Variants in ATP2C2 observed in about 807,000 individuals in gnomAD.
ATP2C2 encodes calcium-transporting ATPase type 2C member 2.
Under a neutral mutation model 110.8 loss-of-function variants are expected in ATP2C2, and 171 were observed. The observed-to-expected ratio is 1.54, with a 90% CI of 1.36 to 1.75. ATP2C2 has a LOEUF of 1.75. Ranked by LOEUF, ATP2C2 falls within the 40% of genes most tolerant of loss-of-function variation. ATP2C2 has a pLI of 0.00. For missense variants in ATP2C2, 1,963 were observed against 1,235.0 expected (o/e 1.59, Z -8.84); for synonymous variants, 804 against 508.4 (o/e 1.58, Z -7.82).
At position 84,368,621 on chromosome 16, in the gene ATP2C2, C is replaced by T; in HGVS notation, c.6C>T (p.Val2=). 1 of 1,557,948 alleles carries T rather than the reference C, an allele frequency of 6.4e-7. No individual in the cohort carries two copies. The highest frequency in any genetic ancestry group is 8.7e-7 in the Non-Finnish European group (1 of 1,152,184). ...AACGCCTGCGCCCGCTCACCATGGTCGAGGGACGCGTCTCCGAGTTCCTGA... is the reference window on the plus strand; with the variant it reads ...AACGCCTGCGCCCGCTCACCATGGTTGAGGGACGCGTCTCCGAGTTCCTGA... The part of the protein sequence containing the change: M[V]EGRVSEFLKK... The change falls in exon 1 of 27, where the codon GTC becomes GTT. Residue 2 remains valine, a synonymous_variant. Transcript: ENST00000262429.
At chr16:84,422,345 G>C in intron 7 of ATP2C2, 45 bp from the exon 8 acceptor site, 1 of 1,587,880 alleles carries the variant, frequency 6.3e-7, no homozygotes, top group Non-Finnish European at 8.6e-7. Flanking sequence ...ACCAATTCTC[G>C]GGGTGACAGA....
rs1046903889 is a variant in ATP2C2, at chr16:84,454,890, G to A, written c.2053G>A (p.Ala685Thr). The A allele has an allele frequency of 5.0e-6, 8 of 1,614,062 alleles. No homozygotes were observed. In the Admixed American group the frequency reaches 5.0e-5, roughly 10 times the overall value. Reference sequence around the variant, plus strand: ...GAACGACGCAGTGGCCCTGAAGTCTGCAGACATTGGGATCGCCATGGGGCA... The same window carrying A: ...GAACGACGCAGTGGCCCTGAAGTCTACAGACATTGGGATCGCCATGGGGCA... ...GVNDAVALKSADIGIAMGQTG... is the reference protein window; with the variant it reads ...GVNDAVALKSTDIGIAMGQTG... The change falls in exon 21 of 27, where the codon GCA (alanine) becomes ACA (threonine). Residue 685 changes from alanine (A) to threonine (T), a missense_variant. Coordinates refer to ENST00000262429, the MANE Select transcript of ATP2C2 (RefSeq NM_014861.4).
chr16:84,368,770 C>G (rs1480526357), intron 1 of ATP2C2, 56 bp downstream of exon 1: 24 of 1,377,938 alleles, frequency 1.7e-5, no homozygotes, highest in African/African-American at 3.1e-5. Flanking sequence ...TCCCCTCCGT[C>G]GTAACCGTCC....
At chr16:84,430,549 A>T (rs565298939) in intron 11 of ATP2C2, among the ~76,000 whole-genome samples, 26 of 151,862 alleles carry the variant, frequency 1.7e-4, no homozygotes, top group Non-Finnish European at 2.5e-4. Flanking sequence ...CAGAGGCAAG[A>T]GAATTGCTTG....
intron 7 of ATP2C2, among the ~76,000 whole-genome samples, chr16:84,420,163 C>G (rs1372241243): frequency 6.6e-6 from 1 of 152,178 alleles, no homozygotes; most frequent in Non-Finnish European, 1.5e-5. Context: ...TCTCAGGGGC[C>G]TCCCTCCCTG....
chr16:84,425,632 G>A (rs923915179), intron 10 of ATP2C2, 103 bp from the exon 11 acceptor site: 7 of 1,280,774 alleles, frequency 5.5e-6, no homozygotes, highest in Non-Finnish European at 8.0e-6. Flanking sequence ...GTTCCTCTGT[G>A]CATGCATTCC....
intron 6 of ATP2C2, 38 bp downstream of exon 6, chr16:84,410,803 G>C (rs375760849): frequency 6.3e-7 from 1 of 1,583,668 alleles, no homozygotes; most frequent in East Asian, 2.2e-5. Context: ...TGGTTCACTG[G>C]AGGAGCCAGG....
chr16:84,425,220 ACTCACACCTCCGTGT>A (rs1207621107), intron 10 of ATP2C2, among the ~76,000 whole-genome samples: 11 of 152,086 alleles, frequency 7.2e-5, no homozygotes, highest in Non-Finnish European at 1.6e-4. Flanking sequence ...CCCAGTCCCT[ACTCACACCTCCGTGT>A]CTCGTACACC....
intron 1 of ATP2C2, among the ~76,000 whole-genome samples, chr16:84,386,577 C>A (rs1341785158): frequency 6.6e-6 from 1 of 152,198 alleles, no homozygotes; most frequent in Non-Finnish European, 1.5e-5. Flanking sequence ...CTCACTTTGT[C>A]CTGTTGCTAG....
chr16:84,442,132 C>A (rs1909318384), intron 14 of ATP2C2, among the ~76,000 whole-genome samples: 1 of 152,040 alleles, frequency 6.6e-6, no homozygotes, highest in South Asian at 2.1e-4. Flanking sequence ...CATGAATTCA[C>A]CCCGTTAAAG....
At chr16:84,387,534 C>T (rs1387202714) in intron 1 of ATP2C2, among the ~76,000 whole-genome samples, 1 of 152,040 alleles carries the variant, frequency 6.6e-6, no homozygotes, top group African/African-American at 2.4e-5. Flanking sequence ...AAAGATCAAA[C>T]TGGACACAAA....
chr16:84,462,359 AG>A (rs1446574091), intron 26 of ATP2C2: 1 of 545,034 alleles, frequency 1.8e-6, no homozygotes, highest in Non-Finnish European at 3.1e-6. Flanking sequence ...CAAGAGTAGT[AG>A]GGTCTGGGGC....
chr16:84,405,371 G>T, intron 3 of ATP2C2, 127 bp downstream of exon 3: 1 of 750,176 alleles, frequency 1.3e-6, no homozygotes, highest in East Asian at 2.7e-5. Flanking sequence ...CGCTGCCCCA[G>T]CCAGCCTGAG....
At chr16:84,373,012 G>T (rs946960210) in intron 1 of ATP2C2, among the ~76,000 whole-genome samples, 91 of 151,256 alleles carry the variant, frequency 6.0e-4, no homozygotes, top group African/African-American at 2.1e-3. Flanking sequence ...CCCAGCTACT[G>T]CGGAGGCTGA....
intron 11 of ATP2C2, among the ~76,000 whole-genome samples, chr16:84,435,498 C>G (rs1314366824): frequency 2.0e-5 from 3 of 152,136 alleles, no homozygotes; most frequent in African/African-American, 7.2e-5. Context: ...TGTATACCTC[C>G]TTGCTTTGCT....
chr16:84,435,550 G>T (rs943112551), intron 11 of ATP2C2, among the ~76,000 whole-genome samples: 2 of 152,248 alleles, frequency 1.3e-5, no homozygotes, highest in Non-Finnish European at 2.9e-5. Context: ...ACCTGGCCAA[G>T]CTTGGAGGCT....
chr16:84,444,173 AAAAAAAAAAAAC>A (rs1909531111), intron 15 of ATP2C2, among the ~76,000 whole-genome samples: 1 of 150,972 alleles, frequency 6.6e-6, no homozygotes, highest in African/African-American at 2.4e-5. Context: ...AAAAAAAAAA[AAAAAAAAAAAAC>A]AAAAAGATTG....
chr16:84,398,176 C>T (rs998906828), intron 1 of ATP2C2, among the ~76,000 whole-genome samples: 9 of 151,910 alleles, frequency 5.9e-5, no homozygotes, highest in South Asian at 2.1e-4. Flanking sequence ...CCGAGGCAAG[C>T]GGATCACCTG....
At chr16:84,379,279 C>G (rs1428072266) in intron 1 of ATP2C2, among the ~76,000 whole-genome samples, 1 of 151,956 alleles carries the variant, frequency 6.6e-6, no homozygotes, top group Non-Finnish European at 1.5e-5. Flanking sequence ...TCTTTCTGGG[C>G]TGAAGTGATC....
Sources: allele counts gnomAD v4.1 joint callset (sites outside exome capture counted in the v4.1 genomes callset), GRCh38; gene constraint gnomAD v4.1.1; transcripts MANE v1.5; gene names NCBI Gene and HGNC (gene_info 2026-07-23, HGNC 2026-07-21).